The following NUDT5 variants were observed in gnomAD, a reference collection of about 807,000 sequenced individuals.
NUDT5 encodes the protein ADP-sugar pyrophosphatase.
Under a neutral mutation model 34.1 loss-of-function variants are expected in NUDT5, and 21 were observed. The ratio of observed to expected loss-of-function variants is 0.62; its 90% CI spans 0.44 to 0.89. The LOEUF (loss-of-function observed/expected upper bound fraction) is 0.89, where lower values mean the gene tolerates loss of function less well. Ranked by LOEUF, NUDT5 falls within the 40% of genes least tolerant of loss-of-function variation. The pLI is 0.00. For missense variants in NUDT5, 249 were observed against 274.8 expected, an observed-to-expected ratio of 0.91 and a Z score of 0.66; for synonymous variants, 85 against 97.6, an observed-to-expected ratio of 0.87 and a Z score of 0.76.
rs144346786 is a variant in NUDT5 at position 12,172,345 on chromosome 10, C to T, written c.487+420G>A. The stretch of plus-strand genomic sequence containing the variant: ...ACAGAGTGGCACCATCATAGCTCCT[C>T]CAACTCCTGGGCTTAAGTGATCCTC... On this transcript the variant is annotated intron_variant, in intron 7 of 9. Coordinates refer to ENST00000491614, the MANE Select transcript of NUDT5 (RefSeq NM_014142.4). 2.7e-3 allele frequency: 491 copies of T among 182,858 alleles called. 3 individuals carry two copies. Among genetic ancestry groups the T allele is most frequent in the African/African-American group, 0.011 (462 of 42,390 alleles). 11.3% of individuals were successfully genotyped at this position (182,858 alleles called of 1,614,324 possible). A position where few individuals can be genotyped will look rare whatever the true frequency, so the allele number is the denominator to read the frequency against.
chr10:12,186,213 G>A lies in NUDT5; in HGVS notation c.63+16C>T. ...TTATGTGGGGGAGGGAAGGGAAAGT[G>A]AAAAACAAGTTATACCTCCTCTGAA... is the stretch of plus-strand genomic sequence containing the variant. On this transcript the variant is annotated intron_variant, in intron 2 of 9. Transcript: ENST00000491614. 1 of 1,598,960 alleles carries A rather than the reference G, an allele frequency of 6.3e-7. No homozygotes were observed. Among genetic ancestry groups the A allele is most frequent in the African/African-American group, 1.3e-5 (1 of 74,762 alleles).
Position 12,165,932 on chromosome 10 carries a change from G to A in NUDT5, c.*1770C>T, listed in dbSNP as rs1834673366. 6.6e-6 allele frequency: 1 copy of A among 152,104 alleles called. No homozygotes were observed. The highest frequency in any genetic ancestry group is 6.5e-5 in the Admixed American group (1 of 15,268). The allele number at this position is 152,104 out of a possible 1,614,324, so 9.4% of individuals were successfully genotyped here. The stretch of plus-strand genomic sequence containing the variant: ...GTCCGATTTTTTTTTCCCTTAAGAA[G>A]GTGGAAATATGGCTTTTAATACATA... On this transcript the variant is annotated 3_prime_UTR_variant, in exon 10 of 10. Coordinates refer to ENST00000491614, the MANE Select transcript of NUDT5 (RefSeq NM_014142.4).
intron 3 of NUDT5, chr10:12,184,626 C>A: frequency 8.2e-7 from 1 of 1,216,938 alleles, no homozygotes; most frequent in South Asian, 1.5e-5. Context: ...AGGTTTGGCC[C>A]AAAAGTTTTA....
rs377139897 is a variant in NUDT5, at chr10:12,188,095, C to T, written c.-41-1763G>A. On this transcript the variant is annotated intron_variant, in intron 1 of 9. Transcript: ENST00000491614. ...TGGGGGTTGCAGAGAGCCGAGATCA[C>T]GCCACTGCACTCTTACGTTCCACGG... 5.3e-4 allele frequency among the ~76,000 whole-genome samples: 80 copies of T among 152,224 alleles called. 1 individual carries two copies. The highest frequency in any genetic ancestry group is 1.8e-3 in the African/African-American group (73 of 41,522).
rs774353096 is a variant in NUDT5, at chr10:12,184,880, AAAG to A, written c.131+6_131+8del. ...AACGAACATTTTGTAAGAAAAAAAA[AAAG>A]TTTACCTAGTTTTACCAGTAGGATC... On this transcript the variant is annotated splice_donor_region_variant and intron_variant, in intron 3 of 9. Coordinates refer to ENST00000491614, the MANE Select transcript of NUDT5 (RefSeq NM_014142.4). The A allele has an allele frequency of 6.5e-6, 10 of 1,538,520 alleles. No homozygotes were observed. The highest frequency in any genetic ancestry group is 4.8e-5 in the South Asian group (4 of 83,392).
At position 12,170,949 on chromosome 10, in the gene NUDT5, A is replaced by T; in HGVS notation, c.488-41T>A. 1 of 1,609,016 alleles carries T rather than the reference A, an allele frequency of 6.2e-7. No homozygotes were observed. Among genetic ancestry groups the T allele is most frequent in the East Asian group, 2.2e-5 (1 of 44,800 alleles). On this transcript the variant is annotated intron_variant, in intron 7 of 9. Transcript: ENST00000491614. The surrounding 1 kb of genome is among the most constrained non-coding windows in gnomAD (Gnocchi z 4.9). Reference sequence around the variant, plus strand: ...AGGAAAACATTTCAGCAAGGCCTGGAGTGGTAACATCGGAAGACTTTTATA... The same window carrying T: ...AGGAAAACATTTCAGCAAGGCCTGGTGTGGTAACATCGGAAGACTTTTATA...
rs1363251626 is a variant in NUDT5, at chr10:12,186,121, C to T, written c.63+108G>A. 5.4e-6 allele frequency: 5 copies of T among 928,682 alleles called. No homozygotes were observed. In the East Asian group the frequency reaches 1.2e-4, roughly 23 times the overall value. The allele number at this position is 928,682 out of a possible 1,614,324, so 57.5% of individuals were successfully genotyped here. ...AAAAAGGGAGTAGGAAAAATCTTTA[C>T]AACTGTCTTCAAGAATGAAAGACCA... On this transcript the variant is annotated intron_variant, in intron 2 of 9. Coordinates refer to ENST00000491614, the MANE Select transcript of NUDT5 (RefSeq NM_014142.4).
At position 12,186,433 on chromosome 10, in the gene NUDT5, C is replaced by T. The variant is rs896830527; in HGVS notation, c.-41-101G>A. On this transcript the variant is annotated intron_variant, in intron 1 of 9. Transcript: ENST00000491614. Reference sequence around the variant, plus strand: ...AGTACTTAAACGGCAAAAAATTCATCTACCATCAACGCTGCCTGTCTCAGT... The same window carrying T: ...AGTACTTAAACGGCAAAAAATTCATTTACCATCAACGCTGCCTGTCTCAGT... 1.1e-5 allele frequency: 7 copies of T among 662,648 alleles called. No homozygotes were observed. The Admixed American group carries it at 1.5e-4, about 14-fold the overall frequency. The allele number at this position is 662,648 out of a possible 1,614,324, so 41.0% of individuals were successfully genotyped here.
Position 12,169,513 on chromosome 10 carries a change from A to C in NUDT5, c.550+1204T>G. 1 of 533,120 alleles carries C rather than the reference A, an allele frequency of 1.9e-6. No homozygotes were observed. The highest frequency in any genetic ancestry group is 3.3e-6 in the Non-Finnish European group (1 of 301,532). The allele number at this position is 533,120 out of a possible 1,614,324, so 33.0% of individuals were successfully genotyped here. ...AAACCGAGTCGGGCCTGTGACTCCG[A>C]GCTGCGCTGCCTCGTATTGATTGTC... is the stretch of plus-strand genomic sequence containing the variant. On this transcript the variant is annotated intron_variant, in intron 9 of 9. Coordinates refer to ENST00000491614, the MANE Select transcript of NUDT5 (RefSeq NM_014142.4). This position sits in a 1 kb window ranked among gnomAD's most constrained non-coding sequence, Gnocchi z 4.8.
In NUDT5 at chr10:12,171,227, A is replaced by C. The variant is rs570311513; in HGVS notation, c.488-319T>G. ...AGGTACAATTCAGTAGCATTAAATA[A>C]CATTCAAAAAGGTGCACAACCACCA... On this transcript the variant is annotated intron_variant, in intron 7 of 9. Coordinates refer to ENST00000491614, the MANE Select transcript of NUDT5 (RefSeq NM_014142.4). This position sits in a 1 kb window ranked among gnomAD's most constrained non-coding sequence, Gnocchi z 4.2. Among the ~76,000 whole-genome samples, 1 of 152,338 alleles carries C rather than the reference A, an allele frequency of 6.6e-6. No individual in the cohort carries two copies. Among genetic ancestry groups the C allele is most frequent in the Admixed American group, 6.5e-5 (1 of 15,298 alleles).
intron 1 of NUDT5, among the ~76,000 whole-genome samples, chr10:12,191,991 A>G (rs1180257000): frequency 6.6e-6 from 1 of 152,180 alleles, no homozygotes; most frequent in East Asian, 1.9e-4. Context: ...AAGTGAAGCA[A>G]AAAATCCTAA....
Position 12,170,024 on chromosome 10 carries a change from A to G in NUDT5, c.550+693T>C, listed in dbSNP as rs560870188. 2.5e-6 allele frequency: 3 copies of G among 1,223,158 alleles called. No individual in the cohort carries two copies. The highest frequency in any genetic ancestry group is 4.7e-5 in the East Asian group (2 of 42,464). 75.8% of individuals were successfully genotyped at this position (1,223,158 alleles called of 1,614,324 possible). On this transcript the variant is annotated intron_variant, in intron 9 of 9. Transcript: ENST00000491614. This position sits in a 1 kb window ranked among gnomAD's most constrained non-coding sequence, Gnocchi z 4.9. Reference sequence around the variant, plus strand: ...CAGCCCATACAGAGGTGCTCCTTGAAGGGCCCATGGTATGTCTCCATACAG... The same window carrying G: ...CAGCCCATACAGAGGTGCTCCTTGAGGGGCCCATGGTATGTCTCCATACAG...
Position 12,167,496 on chromosome 10 carries a change from T to TA in NUDT5, c.*205dup, listed in dbSNP as rs1429199109. Reference sequence around the variant, plus strand: ...ACATACTTGCATTTATATTCTTTGTTAATTTTAGCTGGAGTTATAACAAAT... The same window carrying TA: ...ACATACTTGCATTTATATTCTTTGTTAAATTTTAGCTGGAGTTATAACAAAT... On this transcript the variant is annotated 3_prime_UTR_variant, in exon 10 of 10. Coordinates refer to ENST00000491614, the MANE Select transcript of NUDT5 (RefSeq NM_014142.4). The TA allele has an allele frequency of 4.6e-5, 24 of 518,170 alleles. 1 individual carries two copies. The South Asian group carries it at 5.7e-4, about 12-fold the overall frequency. 32.1% of individuals were successfully genotyped at this position (518,170 alleles called of 1,614,324 possible).
rs1835146701 is a variant in NUDT5 at position 12,187,330 on chromosome 10, C to A, written c.-41-998G>T. 6.6e-6 allele frequency among the ~76,000 whole-genome samples: 1 copy of A among 152,188 alleles called. No homozygotes were observed. Among genetic ancestry groups the A allele is most frequent in the Non-Finnish European group, 1.5e-5 (1 of 68,040 alleles). ...GGGATTACAGGCATGAGCCACTGGA[C>A]CCACCTCCCCACTTACTTTTAAGTT... On this transcript the variant is annotated intron_variant, in intron 1 of 9. Coordinates refer to ENST00000491614, the MANE Select transcript of NUDT5 (RefSeq NM_014142.4). The surrounding 1 kb of genome is among the most constrained non-coding windows in gnomAD (Gnocchi z 5.4).
chr10:12,188,879 A>T (rs1304233850), intron 1 of NUDT5, among the ~76,000 whole-genome samples: 1 of 152,194 alleles, frequency 6.6e-6, no homozygotes, highest in African/African-American at 2.4e-5. Flanking sequence ...AAGAAAGATT[A>T]AAAAGGATGA....
Position 12,175,407 on chromosome 10 carries a change from A to G in NUDT5, c.290-1594T>C, listed in dbSNP as rs1200186193. Among the ~76,000 whole-genome samples, 3 of 152,204 alleles carry G rather than the reference A, an allele frequency of 2.0e-5. No homozygotes were observed. The highest frequency in any genetic ancestry group is 4.4e-5 in the Non-Finnish European group (3 of 68,030). On this transcript the variant is annotated intron_variant, in intron 5 of 9. Coordinates refer to ENST00000491614, the MANE Select transcript of NUDT5 (RefSeq NM_014142.4). The surrounding 1 kb of genome is among the most constrained non-coding windows in gnomAD (Gnocchi z 4.8). ...ACGCCTGTAATCCCAACACTTTGGG[A>G]GGCTGAGGCAGGAGGATCACTTGAG...
intron 1 of NUDT5, among the ~76,000 whole-genome samples, chr10:12,193,185 G>T (rs541164027): frequency 6.6e-6 from 1 of 152,192 alleles, no homozygotes; most frequent in Non-Finnish European, 1.5e-5. Flanking sequence ...CAGGTCTGGA[G>T]TAGAGTGGTA....
At chr10:12,177,312 G>A (rs989081968) in intron 5 of NUDT5, among the ~76,000 whole-genome samples, 1 of 152,122 alleles carries the variant, frequency 6.6e-6, no homozygotes, top group East Asian at 1.9e-4. Context: ...AAGGTCAGGA[G>A]ATCGAGACCA....
Position 12,171,037 on chromosome 10 carries a change from A to G in NUDT5, c.488-129T>C, listed in dbSNP as rs1834842193. The G allele has an allele frequency of 5.3e-6, 5 of 939,028 alleles. No individual in the cohort carries two copies. The highest frequency in any genetic ancestry group is 3.2e-4 in the Middle Eastern group (1 of 3,078). 58.2% of individuals were successfully genotyped at this position (939,028 alleles called of 1,614,324 possible). A position where few individuals can be genotyped will look rare whatever the true frequency, so the allele number is the denominator to read the frequency against. ...GCCTGGGTTTCTGCTAACTTAATTT[A>G]TATACATTGTCAAACTCGAGCAGTA... is the stretch of plus-strand genomic sequence containing the variant. On this transcript the variant is annotated intron_variant, in intron 7 of 9. Coordinates refer to ENST00000491614, the MANE Select transcript of NUDT5 (RefSeq NM_014142.4). The surrounding 1 kb of genome is among the most constrained non-coding windows in gnomAD (Gnocchi z 4.2).
Sources: allele counts gnomAD v4.1 joint callset (sites outside exome capture counted in the v4.1 genomes callset), GRCh38; gene constraint gnomAD v4.1.1; non-coding constraint Gnocchi (gnomAD v3.1); transcripts MANE v1.5; gene names NCBI Gene and HGNC (gene_info 2026-07-23, HGNC 2026-07-21).